The following GALNS variants were observed in gnomAD, a reference collection of about 807,000 sequenced individuals.
GALNS encodes galactosamine (N-acetyl)-6-sulfatase, also known as N-acetylgalactosamine-6-sulfatase.
GALNS carries 65 observed loss-of-function variants against 65.9 expected under a neutral mutation model. The ratio of observed to expected loss-of-function variants is 0.99; its 90% confidence interval spans 0.81 to 1.21. The LOEUF (loss-of-function observed/expected upper bound fraction) is 1.21, where lower values mean the gene tolerates loss of function less well. Among genes scored for constraint, GALNS ranks in the 50% most tolerant of loss-of-function variants. The probability of loss-of-function intolerance (pLI) is 0.00; values close to 1 mark genes in which losing one functional copy is unlikely to be tolerated. For synonymous variants in GALNS, 346 were observed against 288.9 expected (o/e 1.20, Z -2.00); for missense variants, 776 against 700.7 (o/e 1.11, Z -1.21).
chr16:88,855,766 C>G (rs960618021), intron 1 of GALNS: 2 of 544,046 alleles, frequency 3.7e-6, no homozygotes, highest in Non-Finnish European at 6.5e-6. Flanking sequence ...CACGACTGCC[C>G]AGCCCTTGGG....
intron 2 of GALNS, chr16:88,842,325 CA>C (rs1473507521): frequency 2.0e-6 from 1 of 511,522 alleles, no homozygotes; most frequent in Non-Finnish European, 3.6e-6. Flanking sequence ...CGATCAACAC[CA>C]CATGTTTCTG....
At chr16:88,855,432 G>A (rs928284743) in intron 1 of GALNS, 5 of 702,688 alleles carry the variant, frequency 7.1e-6, no homozygotes, top group African/African-American at 5.2e-5. Context: ...TCTTTAGGAG[G>A]GAGATGCCAC....
At chr16:88,836,610 C>T (rs183920356) in intron 5 of GALNS, among the ~76,000 whole-genome samples, 11 of 151,730 alleles carry the variant, frequency 7.2e-5, no homozygotes, top group South Asian at 4.2e-4. Context: ...GCCGAGATCG[C>T]GCCACTGCAA....
intron 13 of GALNS, chr16:88,814,958 T>C: frequency 2.3e-6 from 2 of 858,018 alleles, no homozygotes; most frequent in Non-Finnish European, 2.8e-6. Flanking sequence ...GTCTCAAACT[T>C]CTGACCTCAG....
chr16:88,816,043 G>A (rs1305788429), intron 13 of GALNS: 1 of 985,286 alleles, frequency 1.0e-6, no homozygotes, highest in East Asian at 1.1e-4. Context: ...ACGCGTGTCT[G>A]TGCATCTCCC....
chr16:88,842,276 C>G, intron 2 of GALNS: 1 of 543,726 alleles, frequency 1.8e-6, no homozygotes, highest in Non-Finnish European at 3.3e-6. Context: ...CCCCCATCCT[C>G]GAGCACCAGC....
At position 88,855,162 on chromosome 16, in the gene GALNS, T is replaced by C. The variant is rs74035867; in HGVS notation, c.120+1596A>G. 2.7e-3 allele frequency: 1,749 copies of C among 641,942 alleles called. 21 individuals carry two copies. Among genetic ancestry groups the C allele is most frequent in the African/African-American group, 0.027 (1,477 of 55,368 alleles). 39.8% of individuals were successfully genotyped at this position (641,942 alleles called of 1,614,324 possible). Reference sequence around the variant, plus strand: ...ACTTTATATTTTATTTAACCCAACATAACCAAAATATTATTTCGACAAGTC... The same window carrying C: ...ACTTTATATTTTATTTAACCCAACACAACCAAAATATTATTTCGACAAGTC... On this transcript the variant is annotated intron_variant, in intron 1 of 13. Coordinates refer to ENST00000268695, the MANE Select transcript of GALNS (RefSeq NM_000512.5).
At chr16:88,836,836 G>A (rs1912192844) in intron 5 of GALNS, among the ~76,000 whole-genome samples, 2 of 152,204 alleles carry the variant, frequency 1.3e-5, no homozygotes, top group Non-Finnish European at 2.9e-5. Context: ...ACACCAAGGT[G>A]AAGGCAGTGA....
intron 13 of GALNS, chr16:88,815,762 C>G (rs1176989764): frequency 3.0e-6 from 3 of 985,462 alleles, no homozygotes; most frequent in South Asian, 4.7e-5. Flanking sequence ...AGTGTCCCTG[C>G]CCCCTTGGCC....
At chr16:88,822,880 A>G (rs912355122) in intron 11 of GALNS, among the ~76,000 whole-genome samples, 170 bp from the exon 12 acceptor site, 6 of 152,002 alleles carry the variant, frequency 3.9e-5, no homozygotes, top group Non-Finnish European at 5.9e-5. Context: ...GCCTGTGCCT[A>G]GCAGCGTCCC....
intron 12 of GALNS, among the ~76,000 whole-genome samples, chr16:88,821,868 G>C (rs919324349): frequency 6.6e-6 from 1 of 152,190 alleles, no homozygotes; most frequent in African/African-American, 2.4e-5. Context: ...GAATGCTGGA[G>C]ACCACTAGGC....
intron 1 of GALNS, among the ~76,000 whole-genome samples, chr16:88,848,142 C>T (rs1967336471): frequency 1.3e-5 from 2 of 152,176 alleles, no homozygotes; most frequent in Non-Finnish European, 2.9e-5. Context: ...AAGGCAGATC[C>T]TTAGAGACAG....
chr16:88,825,850 C>T (rs1910837332), intron 10 of GALNS, among the ~76,000 whole-genome samples: 1 of 152,176 alleles, frequency 6.6e-6, no homozygotes, highest in Admixed American at 6.5e-5. Context: ...GCAAAACTCC[C>T]TCTACCCGGC....
chr16:88,817,972 G>A (rs2142981918), intron 13 of GALNS, 35 bp downstream of exon 13: 2 of 1,522,334 alleles, frequency 1.3e-6, no homozygotes, highest in South Asian at 1.2e-5. Flanking sequence ...TGCAGCCCCG[G>A]CAAAGAGACG....
intron 4 of GALNS, chr16:88,840,642 G>A: frequency 2.6e-6 from 1 of 386,734 alleles, no homozygotes; most frequent in South Asian, 2.1e-5. Context: ...CACAGCTCCT[G>A]TGTGTAATGA....
Position 88,822,717 on chromosome 16 carries a change from T to C in GALNS, c.1243-7A>G. The C allele has an allele frequency of 6.2e-7, 1 of 1,609,940 alleles. No individual in the cohort carries two copies. The highest frequency in any genetic ancestry group is 8.5e-7 in the Non-Finnish European group (1 of 1,177,852). ...CAGGGCAGAAATCAATGCCCTGCAA[T>C]GAGAAGAGGGAAGGTGTGTCCTGGA... On this transcript the variant is annotated splice_polypyrimidine_tract_variant and splice_region_variant and intron_variant, in intron 11 of 13. Coordinates refer to ENST00000268695, the MANE Select transcript of GALNS (RefSeq NM_000512.5).
Position 88,856,493 on chromosome 16 carries a change from G to C in GALNS, c.120+265C>G, listed in dbSNP as rs980221559. ...GTCCCGGTCATGCAGCACAGTGGCA[G>C]CGCGTGTGGTGATCGGTGACCGCCG... On this transcript the variant is annotated intron_variant, in intron 1 of 13. Coordinates refer to ENST00000268695, the MANE Select transcript of GALNS (RefSeq NM_000512.5). The C allele has an allele frequency of 1.4e-5, 10 of 699,288 alleles. No homozygotes were observed. The African/African-American group carries it at 1.7e-4, about 12-fold the overall frequency. 43.3% of individuals were successfully genotyped at this position (699,288 alleles called of 1,614,324 possible).
intron 5 of GALNS, among the ~76,000 whole-genome samples, chr16:88,836,764 C>T (rs749488409): frequency 3.6e-4 from 55 of 152,206 alleles, no homozygotes; most frequent in Admixed American, 8.5e-4. Flanking sequence ...GATGACCTGG[C>T]TGAGGCCGGT....
chr16:88,849,268 C>G (rs1004383550), intron 1 of GALNS, among the ~76,000 whole-genome samples: 1 of 152,122 alleles, frequency 6.6e-6, no homozygotes, highest in Non-Finnish European at 1.5e-5. Flanking sequence ...GCACATGCCA[C>G]CATGCCCAGT....
Sources: allele counts gnomAD v4.1 joint callset (sites outside exome capture counted in the v4.1 genomes callset), GRCh38; gene constraint gnomAD v4.1.1; transcripts MANE v1.5; gene names NCBI Gene and HGNC (gene_info 2026-07-23, HGNC 2026-07-21).